Variants in GKAP1 observed in about 807,000 individuals in gnomAD.
GKAP1 encodes the protein G kinase-anchoring protein 1.
A neutral mutation model predicts 56.7 loss-of-function variants in GKAP1; 31 were observed. The observed-to-expected ratio is 0.55, with a 90% CI of 0.41 to 0.74. The LOEUF (loss-of-function observed/expected upper bound fraction) is 0.74, where lower values mean the gene tolerates loss of function less well. Ranked by LOEUF, GKAP1 falls within the 30% of genes least tolerant of loss-of-function variation. The pLI is 0.00. For missense variants in GKAP1, 364 were observed against 402.3 expected (o/e 0.90, Z 0.82); for synonymous variants, 151 against 138.6 (o/e 1.09, Z -0.63).
rs542702773 is a variant in GKAP1 at position 83,772,662 on chromosome 9, G to T, written c.586-3692C>A. Among the ~76,000 whole-genome samples the T allele has an allele frequency of 2.0e-5, 3 of 152,190 alleles. No individual in the cohort carries two copies. The East Asian group carries it at 5.8e-4, about 29-fold the overall frequency. ...TAAAAAATTAAAAAGAAAAGGCAAG[G>T]CATAGCCTGGAAGAAAGTATTTGCA... On this transcript the variant is annotated intron_variant, in intron 7 of 12. Transcript: ENST00000376371.
chr9:83,761,233 A>G (rs1943565365), intron 8 of GKAP1, among the ~76,000 whole-genome samples: 1 of 152,060 alleles, frequency 6.6e-6, no homozygotes, highest in Admixed American at 6.6e-5. Context: ...ACACAGATAA[A>G]AAAAGAGACA....
chr9:83,745,528 AAG>A (rs1264251912), intron 10 of GKAP1, among the ~76,000 whole-genome samples: 1 of 152,206 alleles, frequency 6.6e-6, no homozygotes, highest in African/African-American at 2.4e-5. Context: ...TTTTGAGAGC[AAG>A]CTTTTATCAG....
chr9:83,817,080 A>C lies in GKAP1; in HGVS notation c.-128T>G, dbSNP rs1944621217. On this transcript the variant is annotated 5_prime_UTR_variant, in exon 2 of 13. The change creates a new upstream start codon in the 5' untranslated region. Coordinates refer to ENST00000376371, the MANE Select transcript of GKAP1 (RefSeq NM_025211.4). ...TATTCGCAAAGTACATAGAGAAAGA[A>C]ATTGCGCTGGGCGAAACCTAACTCG... 1 of 152,228 alleles carries C rather than the reference A, an allele frequency of 6.6e-6. No homozygotes were observed. Among genetic ancestry groups the C allele is most frequent in the African/African-American group, 2.4e-5 (1 of 41,466 alleles). The allele number at this position is 152,228 out of a possible 1,614,324, so 9.4% of individuals were successfully genotyped here.
rs4877267 is a variant in GKAP1 at position 83,799,765 on chromosome 9, G to C, written c.217-437C>G. The stretch of plus-strand genomic sequence containing the variant: ...GCCCAGGAGATTGAGACCAGCCTCA[G>C]AAATGTGGCAAAACCCAGTCTTCAC... On this transcript the variant is annotated intron_variant, in intron 3 of 12. Transcript: ENST00000376371. Among the ~76,000 whole-genome samples the C allele has an allele frequency of 4.4e-3, 674 of 152,244 alleles. 19 individuals are homozygous for C. Among genetic ancestry groups the C allele is most frequent in the Admixed American group, 0.038 (581 of 15,292 alleles).
chr9:83,786,280 C>T (rs1489588730), intron 5 of GKAP1, among the ~76,000 whole-genome samples: 1 of 152,168 alleles, frequency 6.6e-6, no homozygotes, highest in Non-Finnish European at 1.5e-5. Context: ...CGGTGGCTCA[C>T]GCCTGTAATC....
At position 83,806,544 on chromosome 9, in the gene GKAP1, T is replaced by C. The variant is rs763416337; in HGVS notation, c.-27A>G. 1.9e-6 allele frequency: 3 copies of C among 1,594,802 alleles called. No individual in the cohort carries two copies. The highest frequency in any genetic ancestry group is 1.7e-6 in the Non-Finnish European group (2 of 1,166,186). On this transcript the variant is annotated 5_prime_UTR_variant, in exon 3 of 13. Coordinates refer to ENST00000376371, the MANE Select transcript of GKAP1 (RefSeq NM_025211.4). ...GTAAAGATTTTTCTTTTAAAATACT[T>C]CTGTCAAGAATAATTTCTGTGGGGA...
At chr9:83,749,226 C>CA (rs1411093231) in intron 9 of GKAP1, 1 of 135,122 alleles carries the variant, frequency 7.4e-6, no homozygotes, top group East Asian at 2.1e-4. Context: ...TATTTATTTA[C>CA]TTTTTTTTTT....
chr9:83,788,583 C>A lies in GKAP1; in HGVS notation c.438+18G>T. The A allele has an allele frequency of 7.3e-7, 1 of 1,361,052 alleles. No individual in the cohort carries two copies. The highest frequency in any genetic ancestry group is 1.0e-6 in the Non-Finnish European group (1 of 974,392). 84.3% of individuals were successfully genotyped at this position (1,361,052 alleles called of 1,614,324 possible). A position where few individuals can be genotyped will look rare whatever the true frequency, so the allele number is the denominator to read the frequency against. ...ACTTAAACTTCTAAAATATCTAAATCAGTAAGTATGTAAATACCTTTTTGT... is the reference window on the plus strand; with the variant it reads ...ACTTAAACTTCTAAAATATCTAAATAAGTAAGTATGTAAATACCTTTTTGT... On this transcript the variant is annotated intron_variant, in intron 5 of 12. Coordinates refer to ENST00000376371, the MANE Select transcript of GKAP1 (RefSeq NM_025211.4).
rs749159512 is a variant in GKAP1, at chr9:83,741,355, A to ATC, written c.1053+595_1053+596dup. Among the ~76,000 whole-genome samples the ATC allele has an allele frequency of 8.0e-4, 73 of 91,324 alleles. 1 individual carries two copies. The highest frequency in any genetic ancestry group is 2.0e-3 in the African/African-American group (68 of 33,300). The allele number at this position is 91,324 out of a possible 152,430, so 59.9% of individuals were successfully genotyped here. A position where few individuals can be genotyped will look rare whatever the true frequency, so the allele number is the denominator to read the frequency against. On this transcript the variant is annotated intron_variant, in intron 12 of 12. Coordinates refer to ENST00000376371, the MANE Select transcript of GKAP1 (RefSeq NM_025211.4). Reference sequence around the variant, plus strand: ...CATATATATACACACACATAAATATATCTCTCACACACACACACACACACA... The same window carrying ATC: ...CATATATATACACACACATAAATATATCTCTCTCACACACACACACACACACA...
At chr9:83,814,947 G>C (rs1944561557) in intron 2 of GKAP1, among the ~76,000 whole-genome samples, 1 of 152,240 alleles carries the variant, frequency 6.6e-6, no homozygotes, top group Non-Finnish European at 1.5e-5. Context: ...GCCAAGGCGG[G>C]TGGATCACAA....
At chr9:83,817,472 G>T (rs3119914) in intron 1 of GKAP1, 45 bp downstream of exon 1, 19 of 151,648 alleles carry the variant, frequency 1.3e-4, no homozygotes, top group Admixed American at 6.6e-4. Flanking sequence ...CCTCCGGGGT[G>T]CCGGAGCGGA....
At chr9:83,756,448 G>A (rs1282555285) in intron 8 of GKAP1, among the ~76,000 whole-genome samples, 1 of 138,636 alleles carries the variant, frequency 7.2e-6, no homozygotes, top group African/African-American at 2.8e-5. Flanking sequence ...TCCACCCTGG[G>A]CAACACAGTG....
chr9:83,752,103 C>A (rs114805678), intron 9 of GKAP1, among the ~76,000 whole-genome samples: 3 of 151,984 alleles, frequency 2.0e-5, no homozygotes, highest in Non-Finnish European at 4.4e-5. Flanking sequence ...CGTGGATGAA[C>A]CTTAAAAACA....
intron 2 of GKAP1, among the ~76,000 whole-genome samples, chr9:83,812,344 CGTATATATATATAT>C (rs1944522488): frequency 6.8e-6 from 1 of 146,704 alleles, no homozygotes; most frequent in Non-Finnish European, 1.5e-5. Flanking sequence ...TATATATACA[CGTATATATATATAT>C]ATTTTTTTTT....
chr9:83,771,564 A>T (rs904058544), intron 7 of GKAP1, among the ~76,000 whole-genome samples: 2 of 152,228 alleles, frequency 1.3e-5, no homozygotes, highest in Non-Finnish European at 2.9e-5. Context: ...AACACTTTAT[A>T]TCTTGCAAAG....
At chr9:83,781,300 C>T (rs1466218963) in intron 6 of GKAP1, among the ~76,000 whole-genome samples, 1 of 152,184 alleles carries the variant, frequency 6.6e-6, no homozygotes, top group East Asian at 1.9e-4. Context: ...GAGGCGGAGG[C>T]TGCAGAGAGC....
chr9:83,808,413 T>C (rs1357323664), intron 2 of GKAP1, among the ~76,000 whole-genome samples: 2 of 152,028 alleles, frequency 1.3e-5, no homozygotes, highest in Non-Finnish European at 2.9e-5. Flanking sequence ...CTGGGCAACA[T>C]AGTGAGACCC....
intron 7 of GKAP1, among the ~76,000 whole-genome samples, chr9:83,775,927 G>C (rs1943854198): frequency 1.4e-5 from 2 of 139,230 alleles, no homozygotes; most frequent in South Asian, 2.4e-4. Context: ...AAAAAGAAAT[G>C]AATCTATCAA....
chr9:83,805,854 C>T (rs1944431792), intron 3 of GKAP1, among the ~76,000 whole-genome samples: 1 of 152,190 alleles, frequency 6.6e-6, no homozygotes. Flanking sequence ...TGGTGGCTCA[C>T]GCCTGTAATC....
Sources: gnomAD v4.1 joint callset for allele counts (sites outside exome capture counted in the v4.1 genomes callset) on GRCh38, gnomAD v4.1.1 for gene constraint, MANE v1.5 for transcripts, NCBI Gene and HGNC (gene_info 2026-07-23, HGNC 2026-07-21) for gene names.